The following SHISA9 variants were observed in gnomAD, a reference collection of about 807,000 sequenced individuals.
The protein encoded by SHISA9 is protein shisa-9.
A neutral mutation model predicts 38.0 loss-of-function variants in SHISA9; 13 were observed. The observed-to-expected ratio is 0.34, with a 90% CI of 0.22 to 0.54. The LOEUF (loss-of-function observed/expected upper bound fraction) is 0.54, where lower values mean the gene tolerates loss of function less well. Among genes scored for constraint, SHISA9 ranks in the 20% least tolerant of loss-of-function variants. SHISA9 has a pLI of 0.91. For synonymous variants in SHISA9, 275 were observed against 242.0 expected (o/e 1.14, Z -1.27); for missense variants, 538 against 575.8 (o/e 0.93, Z 0.67).
chr16:13,012,865 G>C (rs938538558), intron 2 of SHISA9, among the ~76,000 whole-genome samples: 4 of 152,186 alleles, frequency 2.6e-5, no homozygotes, highest in African/African-American at 7.2e-5. Context: ...ACAGGGAGGA[G>C]AGACAACTTT....
At chr16:13,347,846 C>A in the SHISA9 span, among the ~76,000 whole-genome samples, 7,172 of 151,840 alleles carry the variant, frequency 0.047, 371 homozygotes, top group African/African-American at 0.13. Context: ...CGTACCCCCC[C>A]ACAAAGATGT....
At chr16:13,045,278 A>G (rs1382375410) in intron 2 of SHISA9, among the ~76,000 whole-genome samples, 5 of 152,226 alleles carry the variant, frequency 3.3e-5, no homozygotes, top group African/African-American at 9.6e-5. Context: ...TTGAATGCCT[A>G]CTATGAGGTA....
the SHISA9 span, among the ~76,000 whole-genome samples, chr16:13,499,914 T>A: frequency 1.3e-5 from 2 of 152,238 alleles, no homozygotes; most frequent in African/African-American, 4.8e-5. Flanking sequence ...TGCCTGGTAC[T>A]GTGCTCATCT....
At chr16:13,296,629 A>G in the SHISA9 span, among the ~76,000 whole-genome samples, 2 of 152,008 alleles carry the variant, frequency 1.3e-5, no homozygotes, top group Non-Finnish European at 2.9e-5. Context: ...TATAGATACA[A>G]TACTTGCTCA....
chr16:13,353,849 G>A, the SHISA9 span, among the ~76,000 whole-genome samples: 176 of 152,232 alleles, frequency 1.2e-3, no homozygotes, highest in African/African-American at 4.1e-3. Flanking sequence ...AGGTTTCACT[G>A]AATACTAAGA....
the SHISA9 span, among the ~76,000 whole-genome samples, chr16:13,450,963 T>C: frequency 2.0e-5 from 3 of 152,144 alleles, no homozygotes; most frequent in African/African-American, 7.2e-5. Context: ...TCCTCTTAGA[T>C]CTTGGTACAC....
the SHISA9 span, among the ~76,000 whole-genome samples, chr16:13,377,906 A>T: frequency 6.6e-6 from 1 of 152,086 alleles, no homozygotes; most frequent in African/African-American, 2.4e-5. Context: ...GGTGGCACGC[A>T]CCTGTAGTCC....
At chr16:12,912,062 C>G (rs2071191062) in intron 1 of SHISA9, among the ~76,000 whole-genome samples, 1 of 152,220 alleles carries the variant, frequency 6.6e-6, no homozygotes. Flanking sequence ...GTCCAAGGTT[C>G]CTGATTCCTG....
the SHISA9 span, among the ~76,000 whole-genome samples, chr16:13,510,387 G>C: frequency 6.6e-6 from 1 of 152,224 alleles, no homozygotes. Context: ...ATTAGTGGCT[G>C]AGCCGAGATT....
the SHISA9 span, among the ~76,000 whole-genome samples, chr16:13,384,784 A>C: frequency 2.0e-5 from 3 of 152,224 alleles, no homozygotes; most frequent in Admixed American, 2.0e-4. Flanking sequence ...ATTTAAATAC[A>C]TTTGGCATGA....
the SHISA9 span, chr16:13,246,188 G>C: frequency 2.8e-4 from 42 of 152,302 alleles, no homozygotes; most frequent in African/African-American, 9.6e-4. Flanking sequence ...TGTTGTGGGA[G>C]GGACCTGGGG....
chr16:13,549,882 G>T, the SHISA9 span, among the ~76,000 whole-genome samples: 1 of 152,040 alleles, frequency 6.6e-6, no homozygotes, highest in African/African-American at 2.4e-5. Context: ...AATTAGCTGG[G>T]CATGGTCGTA....
chr16:12,921,833 C>T (rs774672602), intron 2 of SHISA9, among the ~76,000 whole-genome samples: 26 of 152,060 alleles, frequency 1.7e-4, no homozygotes, highest in African/African-American at 4.8e-5. Flanking sequence ...AAGTATAGAT[C>T]GAGGCATATA....
chr16:13,345,113 A>T, the SHISA9 span, among the ~76,000 whole-genome samples: 28 of 152,072 alleles, frequency 1.8e-4, no homozygotes, highest in South Asian at 4.2e-4. Flanking sequence ...TCTTTTTTTT[A>T]AATTTTATTT....
intron 2 of SHISA9, among the ~76,000 whole-genome samples, chr16:13,111,474 T>C (rs2073977648): frequency 6.6e-6 from 1 of 152,200 alleles, no homozygotes; most frequent in Admixed American, 6.5e-5. Flanking sequence ...AAGTCCTCTG[T>C]GCCTTGGTTT....
intron 2 of SHISA9, among the ~76,000 whole-genome samples, chr16:13,179,017 C>T (rs778530775): frequency 8.5e-5 from 13 of 152,164 alleles, no homozygotes; most frequent in Non-Finnish European, 1.6e-4. Context: ...CCACTTAACT[C>T]TATAACAACA....
chr16:13,302,517 A>T, the SHISA9 span, among the ~76,000 whole-genome samples: 1 of 152,128 alleles, frequency 6.6e-6, no homozygotes, highest in Non-Finnish European at 1.5e-5. Context: ...CTCCCTCTGC[A>T]TGATATGACT....
At chr16:13,549,398 G>T in the SHISA9 span, among the ~76,000 whole-genome samples, 1 of 151,986 alleles carries the variant, frequency 6.6e-6, no homozygotes. Flanking sequence ...AATGAATACG[G>T]GTATTGAAAC....
chr16:13,019,919 CTTTCTTTCTTTCTTTCTTTCTT>C (rs2072821686), intron 2 of SHISA9, among the ~76,000 whole-genome samples: 1 of 82,320 alleles, frequency 1.2e-5, no homozygotes, highest in Non-Finnish European at 2.6e-5. Flanking sequence ...TTCTTTCTTT[CTTTCTTTCTTTCTTTCTTTCTT>C]TCTTTCTTTC....
Sources: gnomAD v4.1 joint callset for allele counts (sites outside exome capture counted in the v4.1 genomes callset) on GRCh38, gnomAD v4.1.1 for gene constraint, MANE v1.5 for transcripts, NCBI Gene and HGNC (gene_info 2026-07-23, HGNC 2026-07-21) for gene names.